The following EPHA7 variants were observed in gnomAD, a reference collection of about 807,000 sequenced individuals.
The protein encoded by EPHA7 is ephrin type-A receptor 7.
A neutral mutation model predicts 112.6 loss-of-function variants in EPHA7; 25 were observed. The observed-to-expected ratio is 0.22, with a 90% confidence interval of 0.16 to 0.31. The LOEUF (loss-of-function observed/expected upper bound fraction) is 0.31. EPHA7 is among the 10% of genes least tolerant of loss of function. EPHA7 has a pLI of 1.00. For synonymous variants in EPHA7, 437 were observed against 406.5 expected (o/e 1.07, Z -0.90); for missense variants, 962 against 1,212.6 (o/e 0.79, Z 3.07).
chr6:93,250,481 T>C (rs62414215), intron 14 of EPHA7, among the ~76,000 whole-genome samples: 1,959 of 152,196 alleles, frequency 0.013, 33 homozygotes, highest in Admixed American at 0.027. Flanking sequence ...AGATAAAGAA[T>C]GTGTGGCGCA....
chr6:93,401,219 A>G (rs1406325152), intron 3 of EPHA7, among the ~76,000 whole-genome samples: 1 of 152,164 alleles, frequency 6.6e-6, no homozygotes, highest in Non-Finnish European at 1.5e-5. Context: ...ATGACTAAAT[A>G]ACATGAAAAA....
chr6:93,308,643 T>G (rs185654819), intron 5 of EPHA7, among the ~76,000 whole-genome samples: 7 of 152,126 alleles, frequency 4.6e-5, no homozygotes, highest in African/African-American at 1.7e-4. Flanking sequence ...TATAAATAAT[T>G]GTCAAACTAG....
chr6:93,382,536 A>G (rs1308544397), intron 3 of EPHA7, among the ~76,000 whole-genome samples: 1 of 152,128 alleles, frequency 6.6e-6, no homozygotes, highest in Non-Finnish European at 1.5e-5. Context: ...GACAATATAA[A>G]TAATTTAAGA....
At chr6:93,314,002 T>G (rs527578659) in intron 5 of EPHA7, among the ~76,000 whole-genome samples, 2 of 152,286 alleles carry the variant, frequency 1.3e-5, no homozygotes, top group Non-Finnish European at 2.9e-5. Context: ...TTTTATAATT[T>G]CACTCATTTC....
At chr6:93,329,578 T>C (rs1052038712) in intron 5 of EPHA7, among the ~76,000 whole-genome samples, 1 of 151,334 alleles carries the variant, frequency 6.6e-6, no homozygotes, top group Non-Finnish European at 1.5e-5. Context: ...CCAACACAGC[T>C]ATTCTTTGTA....
intron 5 of EPHA7, among the ~76,000 whole-genome samples, chr6:93,308,207 G>C (rs966243726): frequency 4.6e-5 from 7 of 152,052 alleles, no homozygotes; most frequent in Non-Finnish European, 1.0e-4. Flanking sequence ...AATTCAAACT[G>C]TCTCAGGCTC....
chr6:93,303,404 G>C (rs1025384709), intron 5 of EPHA7, among the ~76,000 whole-genome samples: 8 of 152,174 alleles, frequency 5.3e-5, no homozygotes, highest in Admixed American at 2.0e-4. Flanking sequence ...ATTCTAATAG[G>C]GGTGGGAAGG....
intron 3 of EPHA7, among the ~76,000 whole-genome samples, chr6:93,364,159 T>G (rs1776389848): frequency 6.6e-6 from 1 of 152,134 alleles, no homozygotes; most frequent in South Asian, 2.1e-4. Flanking sequence ...ATAACAAAAA[T>G]CCATATATTG....
chr6:93,275,373 TTAG>T (rs1286705755), intron 5 of EPHA7, among the ~76,000 whole-genome samples: 1 of 151,954 alleles, frequency 6.6e-6, no homozygotes, highest in East Asian at 1.9e-4. Context: ...ACATAAATTT[TTAG>T]TAGGTTTTCT....
chr6:93,374,107 A>G (rs1776935880), intron 3 of EPHA7, among the ~76,000 whole-genome samples: 1 of 152,184 alleles, frequency 6.6e-6, no homozygotes. Flanking sequence ...CTTTTAAAAA[A>G]AATATTCAGG....
chr6:93,383,663 A>G (rs1777460927), intron 3 of EPHA7, among the ~76,000 whole-genome samples: 1 of 152,162 alleles, frequency 6.6e-6, no homozygotes, highest in African/African-American at 2.4e-5. Flanking sequence ...TGATCATAAA[A>G]ATCAGAGAGG....
intron 5 of EPHA7, among the ~76,000 whole-genome samples, chr6:93,274,760 T>C (rs2127886492): frequency 1.3e-5 from 2 of 152,042 alleles, no homozygotes; most frequent in Non-Finnish European, 2.9e-5. Context: ...CTCTGTCTAA[T>C]GTCCTTCAAA....
rs1446753166 is a variant in EPHA7 at position 93,410,245 on chromosome 6, T to C, written c.832+256A>G. The C allele has an allele frequency of 7.2e-6, 3 of 417,110 alleles. No homozygotes were observed. In the Admixed American group the frequency reaches 1.2e-4, roughly 16 times the overall value. The allele number at this position is 417,110 out of a possible 1,614,324, so 25.8% of individuals were successfully genotyped here. A position where few individuals can be genotyped will look rare whatever the true frequency, so the allele number is the denominator to read the frequency against. ...ACTCCATAGCCCAACGTGCAACTATTGACTTCCATGTTAAGCATAGGACAC... is the reference window on the plus strand; with the variant it reads ...ACTCCATAGCCCAACGTGCAACTATCGACTTCCATGTTAAGCATAGGACAC... On this transcript the variant is annotated intron_variant, in intron 3 of 16. Transcript: ENST00000369303. The surrounding 1 kb of genome is among the most constrained non-coding windows in gnomAD (Gnocchi z 4.0).
chr6:93,318,447 T>C (rs1773911624), intron 5 of EPHA7, among the ~76,000 whole-genome samples: 1 of 152,070 alleles, frequency 6.6e-6, no homozygotes, highest in Non-Finnish European at 1.5e-5. Flanking sequence ...AACAATTTCT[T>C]GATGCAGTTT....
At chr6:93,358,473 T>C (rs1776072568) in intron 3 of EPHA7, 62 bp from the exon 4 acceptor site, 10 of 1,383,888 alleles carry the variant, frequency 7.2e-6, no homozygotes, top group Non-Finnish European at 5.9e-6. Context: ...TAAAAAAAAA[T>C]TGTATTATTT....
chr6:93,307,969 T>A (rs1443843999), intron 5 of EPHA7, among the ~76,000 whole-genome samples: 1 of 152,204 alleles, frequency 6.6e-6, no homozygotes, highest in East Asian at 1.9e-4. Flanking sequence ...GCACTTTTGT[T>A]CAGATGTCAT....
chr6:93,323,193 C>A (rs1014390733), intron 5 of EPHA7, among the ~76,000 whole-genome samples: 2 of 151,578 alleles, frequency 1.3e-5, no homozygotes, highest in East Asian at 3.9e-4. Context: ...AACAAATAAG[C>A]AGACTGTATT....
chr6:93,349,767 G>A (rs962241337), intron 5 of EPHA7, among the ~76,000 whole-genome samples: 31 of 151,606 alleles, frequency 2.0e-4, no homozygotes, highest in Non-Finnish European at 4.3e-4. Context: ...AAATTTAAAT[G>A]GAATTAATTT....
intron 3 of EPHA7, among the ~76,000 whole-genome samples, chr6:93,385,014 A>G (rs1368388608): frequency 1.3e-5 from 2 of 152,160 alleles, no homozygotes; most frequent in Non-Finnish European, 2.9e-5. Flanking sequence ...TATGCCATTG[A>G]AGAAGATTAT....
Sources: gnomAD v4.1 joint callset for allele counts (sites outside exome capture counted in the v4.1 genomes callset) on GRCh38, gnomAD v4.1.1 for gene constraint, Gnocchi (gnomAD v3.1) non-coding constraint, MANE v1.5 for transcripts, NCBI Gene and HGNC (gene_info 2026-07-23, HGNC 2026-07-21) for gene names.